ACSF3: variants seen among roughly 807,000 people sequenced by gnomAD.
ACSF3 encodes the protein acyl-CoA synthetase family member 3, also known as malonate--CoA ligase ACSF3, mitochondrial.
Under a neutral mutation model 53.2 loss-of-function variants are expected in ACSF3, and 78 were observed. The ratio of observed to expected loss-of-function variants is 1.47; its 90% confidence interval spans 1.22 to 1.77. The LOEUF (loss-of-function observed/expected upper bound fraction) is 1.77. Among genes scored for constraint, ACSF3 ranks in the 40% most tolerant of loss-of-function variants. ACSF3 has a pLI of 0.00. For synonymous variants in ACSF3, 414 were observed against 333.1 expected, an observed-to-expected ratio of 1.24 and a Z score of -2.65; for missense variants, 937 against 771.1, an observed-to-expected ratio of 1.22 and a Z score of -2.55.
chr16:89,113,391 C>G (rs1372812449), intron 5 of ACSF3: 1 of 152,370 alleles, frequency 6.6e-6, no homozygotes, highest in African/African-American at 2.4e-5. Flanking sequence ...TCCCTTGCCC[C>G]TTTTCTGTGA....
At chr16:89,129,568 C>T (rs537473818) in intron 7 of ACSF3, among the ~76,000 whole-genome samples, 1 of 152,016 alleles carries the variant, frequency 6.6e-6, no homozygotes, top group East Asian at 1.9e-4. Context: ...TTAAATCCAG[C>T]CTGACAAGCT....
chr16:89,139,889 A>G (rs1470388516), intron 8 of ACSF3, among the ~76,000 whole-genome samples: 3 of 152,012 alleles, frequency 2.0e-5, no homozygotes, highest in Non-Finnish European at 4.4e-5. Flanking sequence ...CACCGCACCC[A>G]ACCATGACCC....
At chr16:89,142,398 A>T (rs1911943378) in intron 8 of ACSF3, among the ~76,000 whole-genome samples, 1 of 152,170 alleles carries the variant, frequency 6.6e-6, no homozygotes, top group Non-Finnish European at 1.5e-5. Flanking sequence ...GGATGGGCAG[A>T]TACTCAGTGC....
chr16:89,156,053 C>G lies in ACSF3; in HGVS notation c.*1846C>G, dbSNP rs976462049. ...AGGACATGCGGTTGAATGCCGTGTT[C>G]TAAAGTCACGAGTGACTCTCCAGCT... On this transcript the variant is annotated 3_prime_UTR_variant, in exon 11 of 11. Transcript: ENST00000614302. Among the ~76,000 whole-genome samples the G allele has an allele frequency of 1.3e-5, 2 of 152,206 alleles. No homozygotes were observed. Among genetic ancestry groups the G allele is most frequent in the Non-Finnish European group, 2.9e-5 (2 of 68,036 alleles).
chr16:89,096,677 G>C (rs192274243), intron 1 of ACSF3, among the ~76,000 whole-genome samples: 2 of 152,152 alleles, frequency 1.3e-5, no homozygotes, highest in Non-Finnish European at 2.9e-5. Context: ...TGACTTCCCG[G>C]CATCTGTGCC....
chr16:89,102,836 G>A (rs553993603), intron 4 of ACSF3, 77 bp downstream of exon 4: 19 of 1,574,094 alleles, frequency 1.2e-5, no homozygotes, highest in Middle Eastern at 1.7e-4. Flanking sequence ...GCTCTCAGCC[G>A]CGCCCTCAGC....
intron 4 of ACSF3, 124 bp from the exon 5 acceptor site, chr16:89,111,968 A>G: frequency 2.2e-6 from 1 of 451,006 alleles, no homozygotes; most frequent in Non-Finnish European, 3.3e-6. Flanking sequence ...CACCCCTTTT[A>G]GAAGGGAGGC....
chr16:89,133,501 G>A (rs1468900017), intron 8 of ACSF3, among the ~76,000 whole-genome samples: 1 of 152,190 alleles, frequency 6.6e-6, no homozygotes, highest in Non-Finnish European at 1.5e-5. Flanking sequence ...GGGCCCCAGT[G>A]CCCCATGACA....
intron 7 of ACSF3, among the ~76,000 whole-genome samples, chr16:89,125,967 CTT>C (rs1314386478): frequency 3.1e-4 from 47 of 152,104 alleles, no homozygotes; most frequent in South Asian, 4.2e-4. Context: ...TCTCCATTTA[CTT>C]AGATCCGCAA....
chr16:89,118,408 A>T (rs1778795678), intron 6 of ACSF3, among the ~76,000 whole-genome samples: 1 of 152,240 alleles, frequency 6.6e-6, no homozygotes, highest in African/African-American at 2.4e-5. Context: ...CTCCTGAGCC[A>T]TGTTTCTAGA....
intron 8 of ACSF3, among the ~76,000 whole-genome samples, chr16:89,144,315 G>A (rs1202655974): frequency 1.3e-5 from 2 of 152,262 alleles, no homozygotes; most frequent in African/African-American, 4.8e-5. Context: ...GGGCCACGTC[G>A]TGGCTTTGCC....
At chr16:89,112,047 C>T (rs1567699408) in intron 4 of ACSF3, 45 bp from the exon 5 acceptor site, 3 of 1,574,362 alleles carry the variant, frequency 1.9e-6, no homozygotes, top group East Asian at 2.3e-5. Flanking sequence ...CCACGGGCCC[C>T]AGTGCCTGCT....
rs576193291 is a variant in ACSF3, at chr16:89,133,839, C to A, written c.1366+577C>A. On this transcript the variant is annotated intron_variant, in intron 8 of 10. Transcript: ENST00000614302. ...GAACAGGCCTGTGGGTGAGTGGGAA[C>A]CTGCCCACCTGATTGAGGTGGCCCA... 5.9e-5 allele frequency among the ~76,000 whole-genome samples: 9 copies of A among 152,322 alleles called. No individual in the cohort carries two copies. The South Asian group carries it at 1.9e-3, about 32-fold the overall frequency.
At chr16:89,114,752 A>C (rs1904783261) in intron 6 of ACSF3, 1 of 544,598 alleles carries the variant, frequency 1.8e-6, no homozygotes, top group Non-Finnish European at 3.4e-6. Flanking sequence ...AGACAATGGG[A>C]AGAACAGCAA....
rs113661093 is a variant in ACSF3, at chr16:89,156,227, T to C, written c.*2020T>C. On this transcript the variant is annotated 3_prime_UTR_variant, in exon 11 of 11. Transcript: ENST00000614302. ...TCCCTCCCCATTAAAGCCCAGTTTA[T>C]TCCCCATCTTGGCCTCTGGTGCTGA... 0.016 allele frequency among the ~76,000 whole-genome samples: 2,366 copies of C among 151,392 alleles called. 58 individuals carry two copies. Among genetic ancestry groups the C allele is most frequent in the African/African-American group, 0.055 (2,251 of 41,218 alleles).
chr16:89,132,383 G>T lies in ACSF3; in HGVS notation c.1240-753G>T, dbSNP rs527903271. Among the ~76,000 whole-genome samples, 173 of 152,304 alleles carry T rather than the reference G, an allele frequency of 1.1e-3. 2 individuals carry two copies. Among genetic ancestry groups the T allele is most frequent in the African/African-American group, 3.8e-3 (156 of 41,570 alleles). On this transcript the variant is annotated intron_variant, in intron 7 of 10. Coordinates refer to ENST00000614302, the MANE Select transcript of ACSF3 (RefSeq NM_001243279.3). Reference sequence around the variant, plus strand: ...TGACCTATGAGCCGAGGGCTCGGCCGGTGTCTTCACAGACCCACCGTGTCC... The same window carrying T: ...TGACCTATGAGCCGAGGGCTCGGCCTGTGTCTTCACAGACCCACCGTGTCC...
At chr16:89,134,716 T>C (rs1208647274) in intron 8 of ACSF3, among the ~76,000 whole-genome samples, 1 of 152,246 alleles carries the variant, frequency 6.6e-6, no homozygotes, top group Non-Finnish European at 1.5e-5. Context: ...ATTGTTTACC[T>C]CCTGTTTTAG....
chr16:89,132,820 C>G lies in ACSF3; in HGVS notation c.1240-316C>G, dbSNP rs531087035. Among the ~76,000 whole-genome samples, 128 of 152,360 alleles carry G rather than the reference C, an allele frequency of 8.4e-4. 1 individual carries two copies. Among genetic ancestry groups the G allele is most frequent in the Non-Finnish European group, 1.4e-3 (94 of 68,024 alleles). ...AGGCTCTGAGTGCTGAGGCCTGGGC[C>G]GGTAACATGCTCAAGTCTAGAGGAT... On this transcript the variant is annotated intron_variant, in intron 7 of 10. Coordinates refer to ENST00000614302, the MANE Select transcript of ACSF3 (RefSeq NM_001243279.3).
chr16:89,130,237 G>C (rs1909002015), intron 7 of ACSF3, among the ~76,000 whole-genome samples: 1 of 152,134 alleles, frequency 6.6e-6, no homozygotes. Context: ...CATTGGATTA[G>C]GAATTCTGGG....
Sources: allele counts gnomAD v4.1 joint callset (sites outside exome capture counted in the v4.1 genomes callset), GRCh38; gene constraint gnomAD v4.1.1; transcripts MANE v1.5; gene names NCBI Gene and HGNC (gene_info 2026-07-23, HGNC 2026-07-21).